Variants in CCNY observed in about 807,000 individuals in gnomAD.
CCNY encodes the protein cyclin Y, also known as cyclin-Y.
Under a neutral mutation model 42.8 loss-of-function variants are expected in CCNY, and 19 were observed. That is an observed-to-expected ratio of 0.44 (90% CI 0.31 to 0.65). CCNY has a LOEUF of 0.65. CCNY is among the 30% of genes least tolerant of loss of function. CCNY has a pLI of 0.07. For synonymous variants in CCNY, 165 were observed against 162.7 expected (o/e 1.01, Z -0.11); for missense variants, 370 against 437.3 (o/e 0.85, Z 1.37).
intron 1 of CCNY, among the ~76,000 whole-genome samples, chr10:35,339,858 A>C (rs1836135215): frequency 1.3e-5 from 2 of 152,152 alleles, no homozygotes; most frequent in Non-Finnish European, 2.9e-5. Flanking sequence ...GTGTTAGGTT[A>C]TTCATGTTTT....
intron 3 of CCNY, among the ~76,000 whole-genome samples, chr10:35,258,310 G>T (rs977966035): frequency 6.6e-6 from 1 of 152,184 alleles, no homozygotes; most frequent in African/African-American, 2.4e-5. Context: ...GTCTTCTGAG[G>T]CCTCTTCTGA....
At chr10:35,565,948 C>G in intron 8 of CCNY, 75 bp from the exon 9 acceptor site, 1 of 1,474,652 alleles carries the variant, frequency 6.8e-7, no homozygotes, top group Non-Finnish European at 9.2e-7. Flanking sequence ...GTCTGGTCTC[C>G]AGCAACTTGC....
intron 3 of CCNY, among the ~76,000 whole-genome samples, chr10:35,296,028 T>C (rs539432872): frequency 4.5e-4 from 69 of 152,252 alleles, no homozygotes; most frequent in Non-Finnish European, 6.5e-4. Flanking sequence ...GCTAAGGCAG[T>C]GTTGAGGGAA....
intron 3 of CCNY, among the ~76,000 whole-genome samples, chr10:35,276,041 A>G (rs935077258): frequency 1.4e-4 from 21 of 152,224 alleles, no homozygotes; most frequent in Non-Finnish European, 2.2e-4. Flanking sequence ...GGACTGGGGA[A>G]TCACTGCTAA....
chr10:35,545,488 C>G (rs1197410356), intron 7 of CCNY, among the ~76,000 whole-genome samples: 2 of 152,212 alleles, frequency 1.3e-5, no homozygotes, highest in African/African-American at 2.4e-5. Context: ...GCAGCGTTCT[C>G]CTGTGTGCAT....
chr10:35,482,702 G>A (rs1477548936), intron 1 of CCNY, among the ~76,000 whole-genome samples: 2 of 150,360 alleles, frequency 1.3e-5, no homozygotes, highest in African/African-American at 2.4e-5. Context: ...TGGGGTGGGG[G>A]CTCAGTGTTG....
At chr10:35,340,311 A>G (rs1589044979) in intron 1 of CCNY, among the ~76,000 whole-genome samples, 1 of 152,272 alleles carries the variant, frequency 6.6e-6, no homozygotes, top group South Asian at 2.1e-4. Context: ...CTCAAGGATA[A>G]ACTTCTTCTG....
intron 3 of CCNY, among the ~76,000 whole-genome samples, chr10:35,288,093 C>T (rs549574542): frequency 6.6e-6 from 1 of 152,218 alleles, no homozygotes; most frequent in East Asian, 1.9e-4. Context: ...ATAAAGGTTC[C>T]ACTTGCTCCA....
intron 3 of CCNY, among the ~76,000 whole-genome samples, chr10:35,306,676 T>C (rs1835610240): frequency 6.6e-6 from 1 of 151,964 alleles, no homozygotes. Flanking sequence ...CCACATGCCC[T>C]CTCCCCTTCT....
chr10:35,426,176 C>A (rs1838267813), intron 1 of CCNY, among the ~76,000 whole-genome samples: 1 of 150,448 alleles, frequency 6.6e-6, no homozygotes, highest in African/African-American at 2.4e-5. Context: ...CGTGTGCTCT[C>A]ATTCACACAC....
At position 35,533,388 on chromosome 10, in the gene CCNY, C is replaced by T. The variant is rs192091413; in HGVS notation, c.579+3145C>T. ...AAACACAAAGCCCTTATGTTACTGACGGGGCCTAGCAAGATTAAGCCTCCC... is the reference window on the plus strand; with the variant it reads ...AAACACAAAGCCCTTATGTTACTGATGGGGCCTAGCAAGATTAAGCCTCCC... On this transcript the variant is annotated intron_variant, in intron 7 of 9. Coordinates refer to ENST00000374704, the MANE Select transcript of CCNY (RefSeq NM_145012.6). Among the ~76,000 whole-genome samples the T allele has an allele frequency of 3.1e-3, 477 of 152,252 alleles. 17 individuals carry two copies. Among genetic ancestry groups the T allele is most frequent in the Admixed American group, 0.027 (420 of 15,298 alleles).
rs184656896 is a variant in CCNY, at chr10:35,569,238, G to T, written c.*68G>T. The T allele has an allele frequency of 1.0e-6, 1 of 999,838 alleles. No homozygotes were observed. The highest frequency in any genetic ancestry group is 1.6e-5 in the African/African-American group (1 of 62,576). The allele number at this position is 999,838 out of a possible 1,614,324, so 61.9% of individuals were successfully genotyped here. On this transcript the variant is annotated 3_prime_UTR_variant, in exon 10 of 10. Transcript: ENST00000374704. ...CTTTAGTTTGAGAAAAGACAGACTT[G>T]GGGTGGGTTTGTTTTTGTTTTTTCT...
At chr10:35,301,027 C>G (rs1001952407) in intron 3 of CCNY, among the ~76,000 whole-genome samples, 6 of 152,102 alleles carry the variant, frequency 3.9e-5, no homozygotes, top group African/African-American at 1.4e-4. Context: ...AGGTTGGTCT[C>G]AAACTCCTGA....
At chr10:35,484,816 G>A (rs562826489) in intron 2 of CCNY, among the ~76,000 whole-genome samples, 63 of 152,348 alleles carry the variant, frequency 4.1e-4, no homozygotes, top group African/African-American at 1.4e-3. Context: ...TGAACTCAGA[G>A]TGCAGACCAA....
chr10:35,410,213 A>G lies in CCNY; in HGVS notation c.154+73006A>G, dbSNP rs4934749. On this transcript the variant is annotated intron_variant, in intron 1 of 9. Coordinates refer to ENST00000374704, the MANE Select transcript of CCNY (RefSeq NM_145012.6). ...GCTGAGCCTTACACAAATGCTAAAG[A>G]CAAAACAAAAGAGGAAAAATAGTTT... Among the ~76,000 whole-genome samples the G allele has an allele frequency of 0.012, 1,836 of 152,330 alleles. 46 individuals carry two copies. The East Asian group carries it at 0.12, about 10-fold the overall frequency.
At chr10:35,497,321 C>T (rs367967587) in intron 2 of CCNY, among the ~76,000 whole-genome samples, 1 of 152,314 alleles carries the variant, frequency 6.6e-6, no homozygotes, top group East Asian at 1.9e-4. Context: ...CATAAAATAG[C>T]TAAAGCATTT....
intron 3 of CCNY, among the ~76,000 whole-genome samples, chr10:35,270,697 A>T (rs1565059118): frequency 6.8e-6 from 1 of 147,776 alleles, no homozygotes; most frequent in Non-Finnish European, 1.5e-5. Context: ...CCTTTTCGCA[A>T]TTCTTAGACA....
intron 1 of CCNY, among the ~76,000 whole-genome samples, chr10:35,415,751 T>C (rs1396074895): frequency 6.6e-6 from 1 of 152,062 alleles, no homozygotes; most frequent in African/African-American, 2.4e-5. Flanking sequence ...TGGGGGAGAT[T>C]GGGAATGTGT....
intron 1 of CCNY, among the ~76,000 whole-genome samples, chr10:35,363,172 C>T (rs1836731075): frequency 6.8e-6 from 1 of 146,108 alleles, no homozygotes; most frequent in African/African-American, 2.6e-5. Context: ...AGGTGGTCCT[C>T]ACTTCCCCGA....
Sources: gnomAD v4.1 joint callset for allele counts (sites outside exome capture counted in the v4.1 genomes callset) on GRCh38, gnomAD v4.1.1 for gene constraint, MANE v1.5 for transcripts, NCBI Gene and HGNC (gene_info 2026-07-23, HGNC 2026-07-21) for gene names.